Variants in PPP2R5C observed in about 807,000 individuals in gnomAD.
PPP2R5C encodes serine/threonine-protein phosphatase 2A 56 kDa regulatory subunit gamma isoform.
Under a neutral mutation model 68.9 loss-of-function variants are expected in PPP2R5C, and 7 were observed. The observed-to-expected ratio is 0.10, with a 90% CI of 0.06 to 0.19. PPP2R5C has a LOEUF of 0.19. PPP2R5C is among the 10% of genes least tolerant of loss of function. The pLI is 1.00. For missense variants in PPP2R5C, 348 were observed against 641.3 expected, an observed-to-expected ratio of 0.54 and a Z score of 4.94; for synonymous variants, 210 against 222.2, an observed-to-expected ratio of 0.95 and a Z score of 0.49.
chr14:101,918,298 C>T (rs896538052), intron 13 of PPP2R5C, among the ~76,000 whole-genome samples: 1 of 151,530 alleles, frequency 6.6e-6, no homozygotes, highest in Non-Finnish European at 1.5e-5. Context: ...TCTGCTTCGA[C>T]CCAGAGAGGC....
At chr14:101,824,326 T>C (rs945764857) in intron 1 of PPP2R5C, 3 of 483,376 alleles carry the variant, frequency 6.2e-6, no homozygotes, top group African/African-American at 6.1e-5. Context: ...TCTGTTTTAG[T>C]GTAGACATTT....
At chr14:101,774,738 G>A (rs1417651844) in intron 2 of PPP2R5C, among the ~76,000 whole-genome samples, 1 of 152,194 alleles carries the variant, frequency 6.6e-6, no homozygotes, top group Non-Finnish European at 1.5e-5. Context: ...CTGATTGTGA[G>A]TGCATCATCG....
At position 101,912,639 on chromosome 14, in the gene PPP2R5C, C is replaced by T. The variant is rs1035565196; in HGVS notation, c.1326+166C>T. On this transcript the variant is annotated intron_variant, in intron 12 of 13. Coordinates refer to ENST00000334743, the Ensembl canonical transcript of PPP2R5C. ...TAAACTTTGTAACCCTCCTTTTGTA[C>T]AAGTACTTATTTTGCCCCATATCGT... The T allele has an allele frequency of 4.6e-6, 6 of 1,295,284 alleles. No homozygotes were observed. The African/African-American group carries it at 6.2e-5, about 13-fold the overall frequency. The allele number at this position is 1,295,284 out of a possible 1,614,324, so 80.2% of individuals were successfully genotyped here. A position where few individuals can be genotyped will look rare whatever the true frequency, so the allele number is the denominator to read the frequency against.
chr14:101,893,146 C>A, intron 7 of PPP2R5C, 38 bp downstream of exon 9: 2 of 1,418,846 alleles, frequency 1.4e-6, no homozygotes, highest in Non-Finnish European at 2.0e-6. Context: ...CAGCTGTTGG[C>A]ATTTGATCAG....
intron 2 of PPP2R5C, among the ~76,000 whole-genome samples, chr14:101,779,457 G>A (rs2037572428): frequency 6.6e-6 from 1 of 152,204 alleles, no homozygotes; most frequent in Admixed American, 6.5e-5. Flanking sequence ...AGGCTGAGTA[G>A]ATCAAAAGCT....
intron 1 of PPP2R5C, among the ~76,000 whole-genome samples, chr14:101,847,810 A>C (rs961903065): frequency 1.3e-5 from 2 of 151,868 alleles, no homozygotes; most frequent in Non-Finnish European, 2.9e-5. Flanking sequence ...CTACAGGCAC[A>C]TGCCACCACA....
At chr14:101,894,287 G>T (rs916348440) in intron 7 of PPP2R5C, among the ~76,000 whole-genome samples, 1 of 152,162 alleles carries the variant, frequency 6.6e-6, no homozygotes, top group Non-Finnish European at 1.5e-5. Flanking sequence ...AGACTAAAAA[G>T]ACTGTTTCCT....
intron 1 of PPP2R5C, among the ~76,000 whole-genome samples, chr14:101,828,676 C>A (rs77176818): frequency 7.6e-6 from 1 of 131,062 alleles, no homozygotes. Context: ...CACAGATACT[C>A]TTTTTTTTTT....
At chr14:101,804,027 GA>G (rs975373841) in intron 3 of PPP2R5C, among the ~76,000 whole-genome samples, 4 of 151,914 alleles carry the variant, frequency 2.6e-5, no homozygotes, top group East Asian at 3.9e-4. Context: ...AACTCTATAG[GA>G]AAAAAAACTA....
intron 13 of PPP2R5C, chr14:101,921,514 T>C (rs1395159208): frequency 6.6e-6 from 1 of 150,924 alleles, no homozygotes; most frequent in East Asian, 2.0e-4. Context: ...AGAGCCAGAC[T>C]CGGACTCTGA....
chr14:101,822,594 G>A (rs763336507), intron 1 of PPP2R5C, among the ~76,000 whole-genome samples: 8 of 151,980 alleles, frequency 5.3e-5, no homozygotes, highest in African/African-American at 1.5e-4. Context: ...CTCTCTTCCC[G>A]ACTTCCTTCC....
intron 2 of PPP2R5C, among the ~76,000 whole-genome samples, chr14:101,876,256 G>C (rs1180496866): frequency 6.6e-6 from 1 of 152,182 alleles, no homozygotes; most frequent in Non-Finnish European, 1.5e-5. Flanking sequence ...GTGTTCTGCA[G>C]TAACTGTAAT....
intron 9 of PPP2R5C, among the ~76,000 whole-genome samples, chr14:101,905,540 C>G (rs1025948960): frequency 7.2e-5 from 11 of 151,884 alleles, no homozygotes; most frequent in African/African-American, 2.7e-4. Flanking sequence ...GCCTGTAATC[C>G]CAGCCCCTCA....
intron 9 of PPP2R5C, among the ~76,000 whole-genome samples, chr14:101,905,572 G>T (rs1282117349): frequency 6.6e-6 from 1 of 151,730 alleles, no homozygotes; most frequent in Non-Finnish European, 1.5e-5. Context: ...CAGGAGAATC[G>T]CTTGAACCCG....
At chr14:101,822,142 C>T (rs542666000) in intron 1 of PPP2R5C, among the ~76,000 whole-genome samples, 39 of 133,218 alleles carry the variant, frequency 2.9e-4, no homozygotes, top group South Asian at 2.6e-4. Flanking sequence ...AGGAATCTGG[C>T]GCTATCAGAG....
chr14:101,793,033 A>G (rs956728250), intron 3 of PPP2R5C, among the ~76,000 whole-genome samples: 3 of 152,006 alleles, frequency 2.0e-5, no homozygotes, highest in Non-Finnish European at 4.4e-5. Context: ...GTGTGCCACC[A>G]TGCCCAGCTA....
chr14:101,816,910 A>AAT lies in PPP2R5C; in HGVS notation c.94+6883_94+6884dup, dbSNP rs547641413. On this transcript the variant is annotated intron_variant, in intron 1 of 13. Transcript: ENST00000334743. The stretch of plus-strand genomic sequence containing the variant: ...ATATATATTATATAAATATATATAT[A>AAT]ATATATATATTTATATAATATATAT... 4.6e-4 allele frequency among the ~76,000 whole-genome samples: 64 copies of AAT among 138,950 alleles called. No individual in the cohort carries two copies. In the South Asian group the frequency reaches 0.011, roughly 23 times the overall value. The allele number at this position is 138,950 out of a possible 152,430, so 91.2% of individuals were successfully genotyped here. A position where few individuals can be genotyped will look rare whatever the true frequency, so the allele number is the denominator to read the frequency against.
chr14:101,925,539 C>A, exon 14 of PPP2R5C: 1 of 347,054 alleles, frequency 2.9e-6, no homozygotes, highest in Non-Finnish European at 5.1e-6. Context: ...GACTATTTCA[C>A]AAAGTCAGAG....
chr14:101,844,506 G>T (rs1394899715), intron 1 of PPP2R5C, among the ~76,000 whole-genome samples: 1 of 152,186 alleles, frequency 6.6e-6, no homozygotes, highest in Non-Finnish European at 1.5e-5. Flanking sequence ...ATGCTCATTG[G>T]GTTGTGTCTG....
Sources: allele counts gnomAD v4.1 joint callset (sites outside exome capture counted in the v4.1 genomes callset), GRCh38; gene constraint gnomAD v4.1.1; transcripts MANE v1.5; gene names NCBI Gene and HGNC (gene_info 2026-07-23, HGNC 2026-07-21).